Variants in BFSP2 observed in about 807,000 individuals in gnomAD.
The protein encoded by BFSP2 is beaded filament structural protein 2.
BFSP2 carries 38 observed loss-of-function variants against 44.9 expected under a neutral mutation model. The ratio of observed to expected loss-of-function variants is 0.85; its 90% CI spans 0.65 to 1.11. BFSP2 has a LOEUF of 1.11. Ranked by LOEUF, BFSP2 falls within the 50% of genes least tolerant of loss-of-function variation. The pLI is 0.00. For missense variants in BFSP2, 525 were observed against 533.0 expected, an observed-to-expected ratio of 0.99 and a Z score of 0.15; for synonymous variants, 197 against 209.9, an observed-to-expected ratio of 0.94 and a Z score of 0.53.
At chr3:133,426,024 G>GGGAAAGAAAGGAAAGGAAAGGGAAGGA in intron 1 of BFSP2, among the ~76,000 whole-genome samples, 1 of 29,346 alleles carries the variant, frequency 3.4e-5, no homozygotes, top group South Asian at 2.4e-3. Context: ...GAAGGGAAGG[G>GGGAAAGAAAGGAAAGGAAAGGGAAGGA]AAGGGAAGGG....
chr3:133,459,009 T>A (rs2074038121), intron 4 of BFSP2, among the ~76,000 whole-genome samples: 1 of 152,106 alleles, frequency 6.6e-6, no homozygotes, highest in Admixed American at 6.6e-5. Flanking sequence ...TCTCAAAGCA[T>A]ACCTTAGATA....
intron 1 of BFSP2, among the ~76,000 whole-genome samples, chr3:133,415,872 C>T (rs1389289736): frequency 8.4e-5 from 8 of 95,106 alleles, no homozygotes; most frequent in South Asian, 4.3e-4. Flanking sequence ...TACTCACCCT[C>T]GCCCTCTTCT....
chr3:133,425,063 G>T (rs930495331), intron 1 of BFSP2, among the ~76,000 whole-genome samples: 2 of 152,206 alleles, frequency 1.3e-5, no homozygotes, highest in African/African-American at 4.8e-5. Flanking sequence ...ACAGAATCCT[G>T]GGTGACGGTG....
intron 1 of BFSP2, among the ~76,000 whole-genome samples, chr3:133,434,406 A>C (rs1019800102): frequency 2.0e-5 from 3 of 152,080 alleles, no homozygotes; most frequent in African/African-American, 7.2e-5. Context: ...CGCAGCCCCT[A>C]ATCCCGCTCG....
chr3:133,412,080 C>A (rs11708694), intron 1 of BFSP2, among the ~76,000 whole-genome samples: 4,741 of 152,260 alleles, frequency 0.031, 84 homozygotes, highest in Non-Finnish European at 0.039. Context: ...TATAATTTGC[C>A]AGTACAGGCT....
At chr3:133,474,454 C>A (rs550504200) in intron 6 of BFSP2, among the ~76,000 whole-genome samples, 1 of 152,246 alleles carries the variant, frequency 6.6e-6, no homozygotes, top group Non-Finnish European at 1.5e-5. Flanking sequence ...GACCTAACCA[C>A]GCCCTGCTTT....
rs143777053 is a variant in BFSP2, at chr3:133,467,215, G to T, written c.1023+256G>T. On this transcript the variant is annotated intron_variant, in intron 5 of 6. Transcript: ENST00000302334. ...ATGTTGACTGTTAACATCTGCAGCC[G>T]CCCCTTTTCAGCTGCCCCACTGCTC... 2.6e-4 allele frequency among the ~76,000 whole-genome samples: 40 copies of T among 152,288 alleles called. No individual in the cohort carries two copies. The East Asian group carries it at 7.5e-3, about 29-fold the overall frequency.
chr3:133,460,481 C>A (rs144998769), intron 4 of BFSP2, among the ~76,000 whole-genome samples: 1 of 152,198 alleles, frequency 6.6e-6, no homozygotes, highest in African/African-American at 2.4e-5. Context: ...TGGTCTTGAA[C>A]TACTGGCCTC....
chr3:133,419,518 T>C (rs1308237622), intron 1 of BFSP2, among the ~76,000 whole-genome samples: 1 of 152,158 alleles, frequency 6.6e-6, no homozygotes, highest in Admixed American at 6.5e-5. Flanking sequence ...TTTGATAAGA[T>C]AGAGCTATAG....
chr3:133,444,526 G>T (rs780731067), intron 1 of BFSP2, among the ~76,000 whole-genome samples: 11 of 152,124 alleles, frequency 7.2e-5, no homozygotes, highest in Non-Finnish European at 1.3e-4. Flanking sequence ...TATACTAAAT[G>T]TGGTAAGAGA....
chr3:133,444,373 GAGGA>G (rs1428124157), intron 1 of BFSP2, among the ~76,000 whole-genome samples: 1 of 152,148 alleles, frequency 6.6e-6, no homozygotes, highest in Non-Finnish European at 1.5e-5. Context: ...ATTCTCCCAG[GAGGA>G]AGGGAGTATT....
At chr3:133,408,270 T>C (rs1019836315) in intron 1 of BFSP2, among the ~76,000 whole-genome samples, 1 of 152,224 alleles carries the variant, frequency 6.6e-6, no homozygotes, top group African/African-American at 2.4e-5. Context: ...ATGTCTCAAC[T>C]GCACTCATAA....
intron 1 of BFSP2, among the ~76,000 whole-genome samples, chr3:133,420,530 T>C (rs1290720222): frequency 2.6e-5 from 4 of 152,186 alleles, no homozygotes; most frequent in Admixed American, 6.5e-5. Context: ...TGAGCTGGTC[T>C]GATTATTGCT....
intron 4 of BFSP2, chr3:133,455,219 T>C (rs185253287): frequency 1.3e-5 from 2 of 152,388 alleles, no homozygotes; most frequent in East Asian, 3.8e-4. Context: ...GCAAGTGTTA[T>C]GCACTGCACA....
At chr3:133,426,465 T>A (rs961249742) in intron 1 of BFSP2, among the ~76,000 whole-genome samples, 5 of 152,232 alleles carry the variant, frequency 3.3e-5, no homozygotes, top group African/African-American at 1.2e-4. Context: ...CCCTTATCCC[T>A]TTTCTACAAA....
At chr3:133,428,053 G>A (rs1006867853) in intron 1 of BFSP2, among the ~76,000 whole-genome samples, 6 of 152,306 alleles carry the variant, frequency 3.9e-5, no homozygotes, top group South Asian at 4.1e-4. Flanking sequence ...AACCTTTAAC[G>A]TGGGTAGTTG....
chr3:133,407,038 C>T (rs1397993834), intron 1 of BFSP2, among the ~76,000 whole-genome samples: 1 of 152,090 alleles, frequency 6.6e-6, no homozygotes, highest in African/African-American at 2.4e-5. Flanking sequence ...TCTACAACTG[C>T]ACTCCAGCCT....
intron 1 of BFSP2, among the ~76,000 whole-genome samples, chr3:133,404,452 G>A (rs185798561): frequency 5.9e-5 from 9 of 152,222 alleles, no homozygotes; most frequent in Admixed American, 2.6e-4. Flanking sequence ...CACTGAGGTC[G>A]TAATATTCTT....
At chr3:133,451,773 T>C (rs1429230839) in intron 4 of BFSP2, among the ~76,000 whole-genome samples, 1 of 152,232 alleles carries the variant, frequency 6.6e-6, no homozygotes, top group African/African-American at 2.4e-5. Context: ...GTATACATTA[T>C]ATTCATGGAA....
Sources: allele counts gnomAD v4.1 joint callset (sites outside exome capture counted in the v4.1 genomes callset), GRCh38; gene constraint gnomAD v4.1.1; transcripts MANE v1.5; gene names NCBI Gene and HGNC (gene_info 2026-07-23, HGNC 2026-07-21).